The following F13B variants were observed in gnomAD, a reference collection of about 807,000 sequenced individuals.
The protein encoded by F13B is TGase.
A neutral mutation model predicts 79.8 loss-of-function variants in F13B; 58 were observed. That is an observed-to-expected ratio of 0.73 (90% CI 0.59 to 0.90). The LOEUF is 0.90. Ranked by LOEUF, F13B falls within the 40% of genes least tolerant of loss-of-function variation. The pLI is 0.00. For missense variants in F13B, 773 were observed against 777.0 expected, an observed-to-expected ratio of 0.99 and a Z score of 0.06; for synonymous variants, 283 against 260.3, an observed-to-expected ratio of 1.09 and a Z score of -0.84.
chr1:197,040,970 T>C (rs1655017761), intron 10 of F13B, among the ~76,000 whole-genome samples: 1 of 152,092 alleles, frequency 6.6e-6, no homozygotes, highest in African/African-American at 2.4e-5. Context: ...AAAGGTATTT[T>C]CTTCCAGTTT....
At chr1:197,057,593 G>T in intron 5 of F13B, 128 bp from the exon 6 acceptor site, 1 of 994,964 alleles carries the variant, frequency 1.0e-6, no homozygotes, top group Non-Finnish European at 1.5e-6. Context: ...GCATTCCTTT[G>T]ATCCTCACCT....
At chr1:197,051,019 C>T in intron 9 of F13B, 140 bp from the exon 10 acceptor site, 1 of 698,472 alleles carries the variant, frequency 1.4e-6, no homozygotes, top group Non-Finnish European at 2.5e-6. Flanking sequence ...GCAACCTCTG[C>T]CTCCCAGGCT....
intron 10 of F13B, among the ~76,000 whole-genome samples, chr1:197,045,361 C>T (rs1423698455): frequency 6.6e-6 from 1 of 152,060 alleles, no homozygotes; most frequent in African/African-American, 2.4e-5. Flanking sequence ...TACAAACTAC[C>T]ATCAGAGAAT....
At chr1:197,056,666 C>T (rs1655650847) in intron 7 of F13B, among the ~76,000 whole-genome samples, 1 of 152,176 alleles carries the variant, frequency 6.6e-6, no homozygotes. Flanking sequence ...TCACTCAATC[C>T]ACCATGCCCT....
chr1:197,039,219 T>C lies in F13B; in HGVS notation c.*159A>G. 1 of 643,794 alleles carries C rather than the reference T, an allele frequency of 1.6e-6. No homozygotes were observed. Among genetic ancestry groups the C allele is most frequent in the Non-Finnish European group, 2.7e-6 (1 of 369,950 alleles). The allele number at this position is 643,794 out of a possible 1,614,324, so 39.9% of individuals were successfully genotyped here. A position where few individuals can be genotyped will look rare whatever the true frequency, so the allele number is the denominator to read the frequency against. On this transcript the variant is annotated 3_prime_UTR_variant, in exon 12 of 12. Coordinates refer to ENST00000367412, the MANE Select transcript of F13B (RefSeq NM_001994.3). Reference sequence around the variant, plus strand: ...AACTAAAAATTAGACATTTATTGGTTTTCATTTATAAATAACGAAATGTTC... The same window carrying C: ...AACTAAAAATTAGACATTTATTGGTCTTCATTTATAAATAACGAAATGTTC...
At chr1:197,046,442 G>A (rs537874985) in intron 10 of F13B, among the ~76,000 whole-genome samples, 66 of 152,212 alleles carry the variant, frequency 4.3e-4, no homozygotes, top group Middle Eastern at 6.8e-3. Flanking sequence ...AAATACCTAG[G>A]AATCCAACTT....
chr1:197,052,923 A>G, intron 8 of F13B, 89 bp from the exon 9 acceptor site: 1 of 963,200 alleles, frequency 1.0e-6, no homozygotes, highest in Non-Finnish European at 1.6e-6. Context: ...GACAAGTTTC[A>G]AAAGCAATAT....
intron 3 of F13B, 84 bp downstream of exon 3, chr1:197,061,697 AAAT>A: frequency 3.7e-6 from 4 of 1,089,540 alleles, no homozygotes; most frequent in Non-Finnish European, 5.4e-6. Flanking sequence ...AAATTCTATT[AAAT>A]AATAGATATC....
intron 10 of F13B, among the ~76,000 whole-genome samples, chr1:197,050,018 T>C (rs1449854090): frequency 6.6e-6 from 1 of 152,130 alleles, no homozygotes; most frequent in Non-Finnish European, 1.5e-5. Context: ...AAGGTTTTTA[T>C]ACCTTTAACT....
intron 4 of F13B, 86 bp from the exon 5 acceptor site, chr1:197,060,628 G>A: frequency 1.0e-6 from 1 of 965,226 alleles, no homozygotes; most frequent in Non-Finnish European, 1.6e-6. Context: ...GACATAACTA[G>A]AATAGAAATT....
intron 3 of F13B, 68 bp downstream of exon 3, chr1:197,061,716 A>G: frequency 7.8e-7 from 1 of 1,275,130 alleles, no homozygotes; most frequent in East Asian, 2.4e-5. Context: ...ATATCAATAT[A>G]AGCTTCAATA....
At position 197,039,361 on chromosome 1, in the gene F13B, C is replaced by T; in HGVS notation, c.*17G>A. 2 of 1,600,070 alleles carry T rather than the reference C, an allele frequency of 1.2e-6. No homozygotes were observed. Among genetic ancestry groups the T allele is most frequent in the Middle Eastern group, 1.7e-4 (1 of 6,024 alleles). Reference sequence around the variant, plus strand: ...CATGATGTATTGAAATATGACTCCTCTTTCTGCCATTCATTTCTATGTTCT... The same window carrying T: ...CATGATGTATTGAAATATGACTCCTTTTTCTGCCATTCATTTCTATGTTCT... On this transcript the variant is annotated 3_prime_UTR_variant, in exon 12 of 12. Transcript: ENST00000367412.
chr1:197,056,116 T>C (rs762911008), intron 7 of F13B, among the ~76,000 whole-genome samples: 7 of 152,132 alleles, frequency 4.6e-5, no homozygotes, highest in Admixed American at 3.3e-4. Flanking sequence ...TACGTATTTT[T>C]CTCTTTTCTC....
At chr1:197,057,501 T>C (rs1655691214) in intron 5 of F13B, 36 bp from the exon 6 acceptor site, 1 of 1,589,744 alleles carries the variant, frequency 6.3e-7, no homozygotes, top group Non-Finnish European at 8.6e-7. Context: ...TTTAGTCATA[T>C]AATTACAAAA....
intron 9 of F13B, among the ~76,000 whole-genome samples, chr1:197,051,805 C>A (rs1655451305): frequency 6.6e-6 from 1 of 152,068 alleles, no homozygotes; most frequent in South Asian, 2.1e-4. Flanking sequence ...TGTTTGTTGG[C>A]CACATAAATG....
chr1:197,065,586 G>A (rs571043122), intron 1 of F13B, among the ~76,000 whole-genome samples: 8 of 152,240 alleles, frequency 5.3e-5, no homozygotes, highest in East Asian at 1.9e-4. Flanking sequence ...TCTCAGAGAT[G>A]ATATACTTCA....
chr1:197,041,095 C>T (rs1655021864), intron 10 of F13B, among the ~76,000 whole-genome samples: 1 of 152,104 alleles, frequency 6.6e-6, no homozygotes, highest in Non-Finnish European at 1.5e-5. Flanking sequence ...TGATATCATG[C>T]TCTTTTCCCT....
chr1:197,058,643 AT>A (rs1471137966), intron 5 of F13B, among the ~76,000 whole-genome samples: 1 of 152,108 alleles, frequency 6.6e-6, no homozygotes, highest in Non-Finnish European at 1.5e-5. Context: ...TTATAAAAGC[AT>A]TTGTGATTAT....
Position 197,041,468 on chromosome 1 carries a change from G to T in F13B, c.1739-733C>A, listed in dbSNP as rs151266721. ...AATATCAAATTATTTCAGAAAATGG[G>T]ATTTCTTATGTCCTTATTTGTCTCC... On this transcript the variant is annotated intron_variant, in intron 10 of 11. Coordinates refer to ENST00000367412, the MANE Select transcript of F13B (RefSeq NM_001994.3). Among the ~76,000 whole-genome samples, 114 of 152,130 alleles carry T rather than the reference G, an allele frequency of 7.5e-4. 1 individual carries two copies. In the East Asian group the frequency reaches 0.02, roughly 27 times the overall value.
Sources: allele counts gnomAD v4.1 joint callset (sites outside exome capture counted in the v4.1 genomes callset), GRCh38; gene constraint gnomAD v4.1.1; transcripts MANE v1.5; gene names NCBI Gene and HGNC (gene_info 2026-07-23, HGNC 2026-07-21).